PXDNL: variants seen among roughly 807,000 people sequenced by gnomAD.
PXDNL encodes the protein probable oxidoreductase PXDNL.
A neutral mutation model predicts 150.8 loss-of-function variants in PXDNL; 145 were observed. The observed-to-expected ratio is 0.96, with a 90% confidence interval of 0.84 to 1.10. PXDNL has a LOEUF of 1.10. Among genes scored for constraint, PXDNL ranks in the 50% least tolerant of loss-of-function variants. The pLI is 0.00. For missense variants in PXDNL, 2,087 were observed against 1,873.9 expected, an observed-to-expected ratio of 1.11 and a Z score of -2.10; for synonymous variants, 757 against 725.7, an observed-to-expected ratio of 1.04 and a Z score of -0.69.
chr8:51,575,520 G>C (rs1007081899), intron 3 of PXDNL, among the ~76,000 whole-genome samples: 1 of 152,046 alleles, frequency 6.6e-6, no homozygotes, highest in Non-Finnish European at 1.5e-5. Context: ...TTCTAGACCA[G>C]CTTGGCCAAT....
At chr8:51,769,088 C>T (rs893224766) in intron 1 of PXDNL, among the ~76,000 whole-genome samples, 5 of 152,144 alleles carry the variant, frequency 3.3e-5, no homozygotes, top group Non-Finnish European at 2.9e-5. Context: ...GGCAACAGAG[C>T]GAGACTCCGT....
rs1399081659 is a variant in PXDNL, at chr8:51,323,845, GGT to G, written c.4147-2950_4147-2949del. Among the ~76,000 whole-genome samples, 55 of 151,514 alleles carry G rather than the reference GGT, an allele frequency of 3.6e-4. 1 individual carries two copies. Among genetic ancestry groups the G allele is most frequent in the African/African-American group, 1.2e-3 (49 of 41,170 alleles). On this transcript the variant is annotated intron_variant, in intron 21 of 22. Transcript: ENST00000356297. ...GCAGGATAATCATTTGAACCCAAGA[GGT>G]AGAAGTTGCAGTGAGCCAAGATCAT...
At chr8:51,707,001 G>T (rs950724641) in intron 1 of PXDNL, among the ~76,000 whole-genome samples, 3 of 152,128 alleles carry the variant, frequency 2.0e-5, no homozygotes, top group Non-Finnish European at 4.4e-5. Flanking sequence ...ATTCAAAAGA[G>T]AATTGCACCA....
At chr8:51,771,665 A>C (rs1289142768) in intron 1 of PXDNL, among the ~76,000 whole-genome samples, 2 of 152,212 alleles carry the variant, frequency 1.3e-5, no homozygotes, top group African/African-American at 4.8e-5. Flanking sequence ...AGAAGCAGGG[A>C]AAGTCAGAGA....
intron 3 of PXDNL, among the ~76,000 whole-genome samples, chr8:51,588,420 T>C (rs1813373683): frequency 6.6e-6 from 1 of 152,190 alleles, no homozygotes; most frequent in Non-Finnish European, 1.5e-5. Flanking sequence ...ATAACATGTC[T>C]TACAAGAGCC....
At chr8:51,747,220 TC>T (rs1462779943) in intron 1 of PXDNL, among the ~76,000 whole-genome samples, 1 of 152,242 alleles carries the variant, frequency 6.6e-6, no homozygotes, top group Non-Finnish European at 1.5e-5. Flanking sequence ...GCCCACCCTC[TC>T]CACTGGACAT....
intron 1 of PXDNL, among the ~76,000 whole-genome samples, chr8:51,799,445 TAAATA>T (rs1287140714): frequency 3.3e-5 from 5 of 152,146 alleles, no homozygotes; most frequent in African/African-American, 1.2e-4. Context: ...GAGGTACAAG[TAAATA>T]AAATAATTAT....
At chr8:51,351,420 C>G (rs971927505) in intron 19 of PXDNL, among the ~76,000 whole-genome samples, 2 of 152,152 alleles carry the variant, frequency 1.3e-5, no homozygotes, top group Non-Finnish European at 2.9e-5. Flanking sequence ...CAGAGAGATA[C>G]AGCAGAAGCC....
At position 51,450,491 on chromosome 8, in the gene PXDNL, A is replaced by G. The variant is rs553486100; in HGVS notation, c.1250-1373T>C. On this transcript the variant is annotated intron_variant, in intron 10 of 22. Coordinates refer to ENST00000356297, the MANE Select transcript of PXDNL (RefSeq NM_144651.5). ...TTTCTCTGCCTTGTTAGATTTTTGC[A>G]CAATTCCTACTACCCCCTTCTTTTC... Among the ~76,000 whole-genome samples the G allele has an allele frequency of 2.0e-5, 3 of 152,312 alleles. No homozygotes were observed. In the East Asian group the frequency reaches 5.8e-4, roughly 29 times the overall value.
At chr8:51,723,503 T>C (rs766952205) in intron 1 of PXDNL, among the ~76,000 whole-genome samples, 15 of 152,168 alleles carry the variant, frequency 9.9e-5, no homozygotes, top group Non-Finnish European at 2.1e-4. Context: ...CCAACCCAAC[T>C]ACCCTAGTCC....
chr8:51,683,082 G>A (rs1440288376), intron 1 of PXDNL, among the ~76,000 whole-genome samples: 1 of 146,954 alleles, frequency 6.8e-6, no homozygotes, highest in Non-Finnish European at 1.5e-5. Context: ...GTTTTCCATG[G>A]TGGCTGCACC....
intron 14 of PXDNL, among the ~76,000 whole-genome samples, chr8:51,421,052 A>T (rs1808938022): frequency 6.6e-6 from 1 of 152,198 alleles, no homozygotes; most frequent in South Asian, 2.1e-4. Flanking sequence ...AAAGAAGATG[A>T]AATTCTTGTG....
At chr8:51,522,570 G>T (rs951337663) in intron 4 of PXDNL, among the ~76,000 whole-genome samples, 9 of 152,176 alleles carry the variant, frequency 5.9e-5, no homozygotes, top group African/African-American at 2.2e-4. Context: ...TAAGGCCGGG[G>T]CGGTGGCTCT....
At chr8:51,455,033 C>T (rs1212209724) in intron 9 of PXDNL, among the ~76,000 whole-genome samples, 2 of 87,152 alleles carry the variant, frequency 2.3e-5, no homozygotes, top group Non-Finnish European at 4.0e-5. Context: ...GGCGTGAACC[C>T]GGGAAGCGGA....
At chr8:51,460,733 C>A (rs916796067) in intron 8 of PXDNL, among the ~76,000 whole-genome samples, 9 of 151,898 alleles carry the variant, frequency 5.9e-5, no homozygotes, top group Non-Finnish European at 1.2e-4. Context: ...ATCCCACGAC[C>A]CCCATAGACA....
At chr8:51,512,203 A>G (rs985589572) in intron 4 of PXDNL, among the ~76,000 whole-genome samples, 1 of 152,298 alleles carries the variant, frequency 6.6e-6, no homozygotes, top group East Asian at 1.9e-4. Context: ...AAATTTCAGA[A>G]CTCTTGCCAT....
At chr8:51,644,440 A>G (rs113077681) in intron 2 of PXDNL, among the ~76,000 whole-genome samples, 73,239 of 125,544 alleles carry the variant, frequency 0.58, 24,521 homozygotes, top group Non-Finnish European at 0.73. Flanking sequence ...ATGTGTGTGT[A>G]TATATATATG....
chr8:51,412,563 G>A (rs139311005), intron 15 of PXDNL, among the ~76,000 whole-genome samples: 58 of 152,172 alleles, frequency 3.8e-4, no homozygotes, highest in African/African-American at 1.3e-3. Context: ...ACTCAATTTG[G>A]GATTTTACGA....
chr8:51,520,155 A>G (rs1811630678), intron 4 of PXDNL, among the ~76,000 whole-genome samples: 2 of 152,182 alleles, frequency 1.3e-5, no homozygotes, highest in Non-Finnish European at 1.5e-5. Flanking sequence ...GGAAAGGGAA[A>G]GAATTATCAC....
Sources: allele counts gnomAD v4.1 joint callset (sites outside exome capture counted in the v4.1 genomes callset), GRCh38; gene constraint gnomAD v4.1.1; transcripts MANE v1.5; gene names NCBI Gene and HGNC (gene_info 2026-07-23, HGNC 2026-07-21).